Variants in KCNN2 observed in about 807,000 individuals in gnomAD.
KCNN2 encodes the protein potassium calcium-activated channel subfamily N member 2.
KCNN2 carries 24 observed loss-of-function variants against 55.5 expected under a neutral mutation model. The observed-to-expected ratio is 0.43, with a 90% CI of 0.31 to 0.61. KCNN2 has a LOEUF of 0.61. Among genes scored for constraint, KCNN2 ranks in the 20% least tolerant of loss-of-function variants. The probability of loss-of-function intolerance (pLI) is 0.08; values close to 1 mark genes in which losing one functional copy is unlikely to be tolerated. For missense variants in KCNN2, 754 were observed against 853.6 expected, an observed-to-expected ratio of 0.88 and a Z score of 1.45; for synonymous variants, 431 against 336.1, an observed-to-expected ratio of 1.28 and a Z score of -3.09.
intron 2 of KCNN2, among the ~76,000 whole-genome samples, chr5:114,239,729 A>G (rs10043845): frequency 0.83 from 126,556 of 152,218 alleles, 52,673 homozygotes; most frequent in East Asian, 0.9. Context: ...ACTCTCTAAC[A>G]GTGGTTTCCC....
chr5:114,266,798 T>C (rs1755215254), intron 2 of KCNN2, among the ~76,000 whole-genome samples: 1 of 152,198 alleles, frequency 6.6e-6, no homozygotes, highest in Non-Finnish European at 1.5e-5. Context: ...CCATCAAAAG[T>C]ACATAATATT....
chr5:114,371,586 G>A (rs905190171), intron 2 of KCNN2, among the ~76,000 whole-genome samples: 10 of 152,110 alleles, frequency 6.6e-5, no homozygotes, highest in Admixed American at 2.6e-4. Flanking sequence ...TTGATGAGCC[G>A]TTTCTGTGGA....
At chr5:114,256,794 T>C (rs542032982) in intron 2 of KCNN2, among the ~76,000 whole-genome samples, 1 of 152,146 alleles carries the variant, frequency 6.6e-6, no homozygotes, top group South Asian at 2.1e-4. Flanking sequence ...CAGATGCATA[T>C]TTTCACCCAT....
intron 3 of KCNN2, among the ~76,000 whole-genome samples, chr5:114,413,748 A>G (rs190713932): frequency 3.3e-5 from 5 of 152,358 alleles, no homozygotes; most frequent in African/African-American, 1.2e-4. Flanking sequence ...TCAGCAGCTC[A>G]GGAATCCAAC....
At chr5:114,113,536 G>T (rs746999630) in intron 1 of KCNN2, among the ~76,000 whole-genome samples, 2 of 152,044 alleles carry the variant, frequency 1.3e-5, no homozygotes, top group Non-Finnish European at 2.9e-5. Flanking sequence ...AATTTTATCT[G>T]ACGTTAGCTT....
intron 2 of KCNN2, among the ~76,000 whole-genome samples, chr5:114,252,773 A>ATG (rs943684298): frequency 2.7e-5 from 4 of 147,820 alleles, no homozygotes; most frequent in African/African-American, 1.0e-4. Context: ...TCTGTGTAGC[A>ATG]TGTGTGTGTG....
At chr5:114,398,270 A>G (rs1242323217) in intron 2 of KCNN2, among the ~76,000 whole-genome samples, 2 of 152,162 alleles carry the variant, frequency 1.3e-5, no homozygotes, top group Non-Finnish European at 2.9e-5. Context: ...TCCCAGTACC[A>G]TGTATCAAAT....
intron 1 of KCNN2, among the ~76,000 whole-genome samples, chr5:114,217,315 A>C (rs1227087401): frequency 6.6e-6 from 1 of 152,166 alleles, no homozygotes; most frequent in East Asian, 1.9e-4. Context: ...AAGAAAAACA[A>C]AGTTGGAAGA....
chr5:114,456,438 A>G (rs1760932179), intron 3 of KCNN2, among the ~76,000 whole-genome samples: 1 of 152,218 alleles, frequency 6.6e-6, no homozygotes. Flanking sequence ...CTGATCACTG[A>G]CAATGCACTT....
rs115858774 is a variant in KCNN2 at position 114,388,805 on chromosome 5, A to T, written c.1219-15633A>T. ...TTTGAAGTTTACAGTGACTTATTCT[A>T]TATCAGTTTTTTTTATTTTAACAAT... is the stretch of plus-strand genomic sequence containing the variant. On this transcript the variant is annotated intron_variant, in intron 2 of 7. Coordinates refer to ENST00000673685, the MANE Select transcript of KCNN2 (RefSeq NM_021614.4). Among the ~76,000 whole-genome samples, 1,521 of 152,188 alleles carry T rather than the reference A, an allele frequency of 1.0e-2. 21 individuals carry two copies. The highest frequency in any genetic ancestry group is 0.035 in the African/African-American group (1,434 of 41,518).
rs1561588052 is a variant in KCNN2, at chr5:114,363,895, C to T, written c.1123-11C>T. 3 of 1,606,694 alleles carry T rather than the reference C, an allele frequency of 1.9e-6. No homozygotes were observed. The highest frequency in any genetic ancestry group is 1.7e-5 in the Admixed American group (1 of 59,992). On this transcript the variant is annotated splice_polypyrimidine_tract_variant and intron_variant, in intron 1 of 7. Coordinates refer to ENST00000673685, the MANE Select transcript of KCNN2 (RefSeq NM_021614.4). ...CTTTCTTAAAAGTGCTTCTGTCTGA[C>T]TGTGTTGCAGGCGTCGCTGTATTCC...
At chr5:114,287,323 C>G (rs894339842) in intron 2 of KCNN2, among the ~76,000 whole-genome samples, 1 of 152,132 alleles carries the variant, frequency 6.6e-6, no homozygotes, top group African/African-American at 2.4e-5. Context: ...GCACTATTTA[C>G]AATAGCAAAG....
At chr5:114,406,465 T>C (rs187145288) in intron 3 of KCNN2, among the ~76,000 whole-genome samples, 54 of 152,208 alleles carry the variant, frequency 3.5e-4, no homozygotes, top group African/African-American at 1.3e-3. Context: ...TTTACATTGT[T>C]ATTACTGTAT....
intron 2 of KCNN2, among the ~76,000 whole-genome samples, chr5:114,387,179 A>G (rs1758313997): frequency 6.6e-6 from 1 of 152,226 alleles, no homozygotes; most frequent in Admixed American, 6.5e-5. Flanking sequence ...TTTATTAAAA[A>G]TCATCAAAAC....
chr5:114,187,650 C>A (rs887126922), intron 1 of KCNN2, among the ~76,000 whole-genome samples: 1 of 147,368 alleles, frequency 6.8e-6, no homozygotes. Context: ...GGACTACAGG[C>A]ACCCACCACT....
At chr5:114,449,708 C>A (rs1284758860) in intron 3 of KCNN2, among the ~76,000 whole-genome samples, 4 of 152,178 alleles carry the variant, frequency 2.6e-5, no homozygotes. Context: ...AGGTTCATTT[C>A]CAACATTGCC....
At chr5:114,062,204 TTACCTAATC>T (rs1750347087) in intron 1 of KCNN2, among the ~76,000 whole-genome samples, 1 of 152,146 alleles carries the variant, frequency 6.6e-6, no homozygotes, top group Non-Finnish European at 1.5e-5. Context: ...CAACATGTAT[TTACCTAATC>T]TACTTCTGTG....
chr5:114,368,422 C>T (rs1171083265), intron 2 of KCNN2, among the ~76,000 whole-genome samples: 9 of 152,206 alleles, frequency 5.9e-5, no homozygotes, highest in Non-Finnish European at 1.3e-4. Context: ...TTCATTCGTG[C>T]ACCAAGGCCA....
intron 2 of KCNN2, among the ~76,000 whole-genome samples, chr5:114,386,853 G>C (rs188764362): frequency 6.6e-6 from 1 of 152,294 alleles, no homozygotes. Flanking sequence ...TATCAACAAG[G>C]TTGGTGATTC....
Sources: allele counts gnomAD v4.1 joint callset (sites outside exome capture counted in the v4.1 genomes callset), GRCh38; gene constraint gnomAD v4.1.1; transcripts MANE v1.5; gene names NCBI Gene and HGNC (gene_info 2026-07-23, HGNC 2026-07-21).